TKFC: variants seen among roughly 807,000 people sequenced by gnomAD.
TKFC encodes triokinase and FMN cyclase, also known as triokinase/FMN cyclase.
TKFC carries 46 observed loss-of-function variants against 61.0 expected under a neutral mutation model. That is an observed-to-expected ratio of 0.75 (90% CI 0.60 to 0.96). The LOEUF (loss-of-function observed/expected upper bound fraction) is 0.96. TKFC is among the 50% of genes least tolerant of loss of function. TKFC has a pLI of 0.00. For synonymous variants in TKFC, 314 were observed against 330.1 expected (o/e 0.95, Z 0.53); for missense variants, 715 against 777.5 (o/e 0.92, Z 0.96).
At chr11:61,343,831 AAG>A (rs747960220) in intron 11 of TKFC, 23 bp from the exon 12 acceptor site, 6 of 1,601,132 alleles carry the variant, frequency 3.7e-6, no homozygotes, top group South Asian at 1.1e-5. Context: ...AGCCGTGTCT[AAG>A]AGAGTTATCT....
At chr11:61,336,773 A>G (rs1480426591) in intron 2 of TKFC, among the ~76,000 whole-genome samples, 1 of 152,108 alleles carries the variant, frequency 6.6e-6, no homozygotes, top group East Asian at 1.9e-4. Context: ...GCCTGGCGGC[A>G]CTGCTCTGTA....
intron 3 of TKFC, 30 bp downstream of exon 3, chr11:61,338,160 C>G (rs1856694448): frequency 6.5e-7 from 1 of 1,536,428 alleles, no homozygotes; most frequent in Non-Finnish European, 8.7e-7. Flanking sequence ...GCAGGGGGTA[C>G]TAGTGGAGTG....
Position 61,346,174 on chromosome 11 carries a change from C to T in TKFC, c.1576-177C>T. The stretch of plus-strand genomic sequence containing the variant: ...GGCCTCAGTGAATGGTGACCCTTTT[C>T]CCTGCTGGAAGTAGATGAGAAGTGA... On this transcript the variant is annotated intron_variant, in intron 17 of 17. Coordinates refer to ENST00000394900, the MANE Select transcript of TKFC (RefSeq NM_015533.4). The surrounding 1 kb of genome is among the most constrained non-coding windows in gnomAD (Gnocchi z 4.1). The T allele has an allele frequency of 6.9e-7, 1 of 1,447,424 alleles. No individual in the cohort carries two copies. The highest frequency in any genetic ancestry group is 9.2e-7 in the Non-Finnish European group (1 of 1,088,992). The allele number at this position is 1,447,424 out of a possible 1,614,324, so 89.7% of individuals were successfully genotyped here.
chr11:61,340,916 C>T lies in TKFC; in HGVS notation c.487-520C>T, dbSNP rs56098352. 4.0e-3 allele frequency among the ~76,000 whole-genome samples: 604 copies of T among 152,270 alleles called. 2 individuals carry two copies. Among genetic ancestry groups the T allele is most frequent in the Middle Eastern group, 0.014 (4 of 294 alleles). On this transcript the variant is annotated intron_variant, in intron 5 of 17. Coordinates refer to ENST00000394900, the MANE Select transcript of TKFC (RefSeq NM_015533.4). ...AGTGTGGACTCCATCACTGTAATTA[C>T]CACCTCACATAAATTTTCAATTTAT...
chr11:61,348,512 CA>C lies in TKFC; in HGVS notation c.*2012del, dbSNP rs1857249887. ...AGAGACTGAATGTTTGTGTCCCCCC[CA>C]AATTCCTGTGTTGAAAGGCTCACCC... On this transcript the variant is annotated 3_prime_UTR_variant, in exon 18 of 18. Coordinates refer to ENST00000394900, the MANE Select transcript of TKFC (RefSeq NM_015533.4). 2.0e-6 allele frequency: 2 copies of C among 984,786 alleles called. No homozygotes were observed. Among genetic ancestry groups the C allele is most frequent in the South Asian group, 9.4e-5 (2 of 21,284 alleles). 61.0% of individuals were successfully genotyped at this position (984,786 alleles called of 1,614,324 possible).
chr11:61,349,777 A>G (rs1857311935), downstream of TKFC: 1 of 636,802 alleles, frequency 1.6e-6, no homozygotes, highest in Admixed American at 2.1e-5. Context: ...CAATCACCCC[A>G]TGATGTCTCC....
Position 61,337,955 on chromosome 11 carries a change from G to A in TKFC, c.18G>A (p.Leu6=). 1 of 1,608,226 alleles carries A rather than the reference G, an allele frequency of 6.2e-7. No homozygotes were observed. The highest frequency in any genetic ancestry group is 8.5e-7 in the Non-Finnish European group (1 of 1,177,630). The change falls in exon 3 of 18, where the codon CTG becomes CTA. Residue 6 remains leucine (L), a synonymous_variant. Coordinates refer to ENST00000394900, the MANE Select transcript of TKFC (RefSeq NM_015533.4). MTSKK[L]VNSVAGCADD... is the part of the protein sequence containing the mutation. ...CTCCCTTGCAGACCTCCAAGAAGCT[G>A]GTGAACTCGGTGGCTGGCTGTGCTG...
intron 6 of TKFC, 97 bp downstream of exon 6, chr11:61,341,611 C>T (rs1856859323): frequency 1.4e-6 from 2 of 1,397,844 alleles, no homozygotes; most frequent in Non-Finnish European, 2.0e-6. Flanking sequence ...CGGTGCTCCC[C>T]AGGTTATTCC....
chr11:61,339,988 T>A (rs1352255633), intron 5 of TKFC, among the ~76,000 whole-genome samples: 6 of 151,528 alleles, frequency 4.0e-5, no homozygotes, highest in Non-Finnish European at 8.8e-5. Context: ...CTCTTTTTTT[T>A]ATTTTCTTTT....
At position 61,339,260 on chromosome 11, in the gene TKFC, C is replaced by A; in HGVS notation, c.311C>A (p.Thr104Lys). Residue 104 changes from threonine (T) to lysine (K), a missense_variant, in exon 5 of 18, where the codon ACG (threonine) becomes AAG (lysine). Transcript: ENST00000394900. ...RAVAQAGTVG[T>K]LLIVKNYTGD... ...CTTCCGGCTGCTCCCGCAGTGGGGA[C>A]GCTCCTTATCGTGAAGAACTACACT... The A allele has an allele frequency of 6.2e-7, 1 of 1,612,652 alleles. No homozygotes were observed. Among genetic ancestry groups the A allele is most frequent in the South Asian group, 1.1e-5 (1 of 90,994 alleles).
Position 61,346,069 on chromosome 11 carries a change from G to A in TKFC, c.1575+123G>A. ...CCGCAGTTTCCTTCTCTGTACAATG[G>A]AGATGAGCACCTATCTCAGAAGGTG... is the stretch of plus-strand genomic sequence containing the variant. On this transcript the variant is annotated intron_variant, in intron 17 of 17. Coordinates refer to ENST00000394900, the MANE Select transcript of TKFC (RefSeq NM_015533.4). The surrounding 1 kb of genome is among the most constrained non-coding windows in gnomAD (Gnocchi z 4.1). 1 of 1,167,440 alleles carries A rather than the reference G, an allele frequency of 8.6e-7. No homozygotes were observed. Among genetic ancestry groups the A allele is most frequent in the East Asian group, 2.5e-5 (1 of 39,802 alleles). The allele number at this position is 1,167,440 out of a possible 1,614,324, so 72.3% of individuals were successfully genotyped here.
At position 61,348,396 on chromosome 11, in the gene TKFC, G is replaced by T; in HGVS notation, c.*1893G>T. The T allele has an allele frequency of 6.1e-6, 6 of 984,880 alleles. No individual in the cohort carries two copies. The highest frequency in any genetic ancestry group is 7.2e-6 in the Non-Finnish European group (6 of 829,492). 61.0% of individuals were successfully genotyped at this position (984,880 alleles called of 1,614,324 possible). A position where few individuals can be genotyped will look rare whatever the true frequency, so the allele number is the denominator to read the frequency against. On this transcript the variant is annotated 3_prime_UTR_variant, in exon 18 of 18. Transcript: ENST00000394900. ...GTGCCTTCCGGTTGGCCCCTCCCTA[G>T]GTCTGTGAGGGTCAGACCTGTCCTG...
chr11:61,346,193 G>A lies in TKFC; in HGVS notation c.1576-158G>A. 6.7e-7 allele frequency: 1 copy of A among 1,502,710 alleles called. No individual in the cohort carries two copies. The highest frequency in any genetic ancestry group is 8.9e-7 in the Non-Finnish European group (1 of 1,127,926). The allele number at this position is 1,502,710 out of a possible 1,614,324, so 93.1% of individuals were successfully genotyped here. A position where few individuals can be genotyped will look rare whatever the true frequency, so the allele number is the denominator to read the frequency against. On this transcript the variant is annotated intron_variant, in intron 17 of 17. Transcript: ENST00000394900. This position sits in a 1 kb window ranked among gnomAD's most constrained non-coding sequence, Gnocchi z 4.1. ...CCTTTTCCCTGCTGGAAGTAGATGA[G>A]AAGTGACTTTCCATTTGGTGACAGA...
rs112538836 is a variant in TKFC at position 61,347,187 on chromosome 11, G to A, written c.*684G>A. 3.5e-4 allele frequency: 343 copies of A among 985,416 alleles called. 3 individuals carry two copies. In the African/African-American group the frequency reaches 5.3e-3, roughly 15 times the overall value. The allele number at this position is 985,416 out of a possible 1,614,324, so 61.0% of individuals were successfully genotyped here. A position where few individuals can be genotyped will look rare whatever the true frequency, so the allele number is the denominator to read the frequency against. ...TCAGTGGCTCCTCGGGAGTCGAATG[G>A]GCATTTGGGACACCAGAAGGAAAAG... is the stretch of plus-strand genomic sequence containing the variant. On this transcript the variant is annotated 3_prime_UTR_variant, in exon 18 of 18. Transcript: ENST00000394900.
rs1009445470 is a variant in TKFC at position 61,346,220 on chromosome 11, C to A, written c.1576-131C>A. 6.5e-7 allele frequency: 1 copy of A among 1,540,660 alleles called. No individual in the cohort carries two copies. Among genetic ancestry groups the A allele is most frequent in the Non-Finnish European group, 8.7e-7 (1 of 1,149,786 alleles). ...AGTGACTTTCCATTTGGTGACAGAG[C>A]AGAGGGTGCTGGCAGAGCCAGGGCA... On this transcript the variant is annotated intron_variant, in intron 17 of 17. Coordinates refer to ENST00000394900, the MANE Select transcript of TKFC (RefSeq NM_015533.4). This position sits in a 1 kb window ranked among gnomAD's most constrained non-coding sequence, Gnocchi z 4.1.
chr11:61,353,374 C>T (rs376332245), downstream of TKFC: 6 of 615,124 alleles, frequency 9.8e-6, no homozygotes, highest in African/African-American at 3.7e-5. Flanking sequence ...ACCCAACCAC[C>T]TTGTTTGTCT....
chr11:61,353,290 TC>T, downstream of TKFC: 1 of 1,009,442 alleles, frequency 9.9e-7, no homozygotes, highest in Non-Finnish European at 1.4e-6. Context: ...CGTGCTAGCT[TC>T]CTCATTGTGG....
In TKFC at chr11:61,345,756, A is replaced by G. The variant is rs1339989758; in HGVS notation, c.1485+11A>G. Reference sequence around the variant, plus strand: ...GGGGACAGGACTATGGTATGTACTCAGGCTGTGGCCTCAGACCTTTCTCCT... The same window carrying G: ...GGGGACAGGACTATGGTATGTACTCGGGCTGTGGCCTCAGACCTTTCTCCT... On this transcript the variant is annotated intron_variant, in intron 16 of 17. Transcript: ENST00000394900. 4.3e-6 allele frequency: 7 copies of G among 1,614,246 alleles called. No homozygotes were observed. The highest frequency in any genetic ancestry group is 1.6e-4 in the Middle Eastern group (1 of 6,062).
At chr11:61,343,532 C>T in intron 11 of TKFC, 74 bp downstream of exon 11, 1 of 1,366,774 alleles carries the variant, frequency 7.3e-7, no homozygotes, top group South Asian at 1.2e-5. Flanking sequence ...ACTTGGAGAC[C>T]CCGTCAGGGC....
Sources: gnomAD v4.1 joint callset for allele counts (sites outside exome capture counted in the v4.1 genomes callset) on GRCh38, gnomAD v4.1.1 for gene constraint, Gnocchi (gnomAD v3.1) non-coding constraint, MANE v1.5 for transcripts, NCBI Gene and HGNC (gene_info 2026-07-23, HGNC 2026-07-21) for gene names.